PRKAA2: variants seen among roughly 807,000 people sequenced by gnomAD.
PRKAA2 encodes the protein 5'-AMP-activated protein kinase catalytic subunit alpha-2.
Under a neutral mutation model 56.3 loss-of-function variants are expected in PRKAA2, and 40 were observed. The ratio of observed to expected loss-of-function variants is 0.71; its 90% CI spans 0.55 to 0.92. The LOEUF (loss-of-function observed/expected upper bound fraction) is 0.92, where lower values mean the gene tolerates loss of function less well. Among genes scored for constraint, PRKAA2 ranks in the 40% least tolerant of loss-of-function variants. PRKAA2 has a pLI of 0.00. For synonymous variants in PRKAA2, 214 were observed against 234.2 expected, an observed-to-expected ratio of 0.91 and a Z score of 0.79; for missense variants, 542 against 686.9, an observed-to-expected ratio of 0.79 and a Z score of 2.36.
chr1:56,693,586 C>T (rs1017739173), intron 4 of PRKAA2, among the ~76,000 whole-genome samples, 179 bp from the exon 5 acceptor site: 5 of 151,898 alleles, frequency 3.3e-5, no homozygotes, highest in African/African-American at 1.2e-4. Flanking sequence ...CTTTTTGTTA[C>T]AGTGTAAGCA....
chr1:56,660,092 T>A (rs994231046), intron 1 of PRKAA2, among the ~76,000 whole-genome samples: 4 of 152,202 alleles, frequency 2.6e-5, no homozygotes, highest in African/African-American at 9.7e-5. Context: ...GTTTCTTCTA[T>A]TAGAAAATTT....
intron 2 of PRKAA2, among the ~76,000 whole-genome samples, chr1:56,675,337 T>C (rs1644105576): frequency 9.3e-6 from 1 of 107,176 alleles, no homozygotes; most frequent in Admixed American, 1.1e-4. Flanking sequence ...TCAGGAACTG[T>C]ACCAAGCATT....
intron 6 of PRKAA2, among the ~76,000 whole-genome samples, chr1:56,698,717 A>T (rs769250426): frequency 1.2e-4 from 18 of 152,164 alleles, no homozygotes; most frequent in Non-Finnish European, 8.8e-5. Flanking sequence ...ATTTTTGTAC[A>T]TCTATTATTT....
intron 1 of PRKAA2, among the ~76,000 whole-genome samples, chr1:56,650,204 A>G (rs1646676190): frequency 6.6e-6 from 1 of 152,232 alleles, no homozygotes; most frequent in Admixed American, 6.5e-5. Flanking sequence ...TTTTAACAGC[A>G]GTAGTTTTAA....
chr1:56,664,288 T>C (rs1375266207), intron 1 of PRKAA2, among the ~76,000 whole-genome samples: 1 of 152,182 alleles, frequency 6.6e-6, no homozygotes, highest in Non-Finnish European at 1.5e-5. Flanking sequence ...TCATGTTGCT[T>C]TAATAGGGAC....
chr1:56,694,730 AC>A (rs1237964044), intron 5 of PRKAA2, among the ~76,000 whole-genome samples: 1 of 151,428 alleles, frequency 6.6e-6, no homozygotes, highest in Non-Finnish European at 1.5e-5. Flanking sequence ...TGACCTAATC[AC>A]CCCCCTTAAG....
At chr1:56,668,996 C>T (rs1159315219) in intron 1 of PRKAA2, among the ~76,000 whole-genome samples, 1 of 152,126 alleles carries the variant, frequency 6.6e-6, no homozygotes, top group Non-Finnish European at 1.5e-5. Context: ...AAGCTTTATA[C>T]CCTTCAATGT....
chr1:56,645,498 G>C lies in PRKAA2; in HGVS notation c.94+17G>C. On this transcript the variant is annotated intron_variant, in intron 1 of 8. Coordinates refer to ENST00000371244, the MANE Select transcript of PRKAA2 (RefSeq NM_006252.4). ...AAGTGAAGAGTTGAGTACGCGCTCC[G>C]GACCGCTGTGCGGGGCTGCCTGACT... 4.1e-6 allele frequency: 6 copies of C among 1,460,276 alleles called. No individual in the cohort carries two copies. The highest frequency in any genetic ancestry group is 4.6e-6 in the Non-Finnish European group (5 of 1,096,322). The allele number at this position is 1,460,276 out of a possible 1,614,324, so 90.5% of individuals were successfully genotyped here.
At chr1:56,692,733 A>G (rs1442189155) in intron 4 of PRKAA2, among the ~76,000 whole-genome samples, 4 of 152,040 alleles carry the variant, frequency 2.6e-5, no homozygotes, top group African/African-American at 7.2e-5. Context: ...GTTGTCATCA[A>G]GATAAATCCA....
At chr1:56,681,713 A>G (rs10789041) in intron 2 of PRKAA2, among the ~76,000 whole-genome samples, 63,853 of 151,894 alleles carry the variant, frequency 0.42, 13,919 homozygotes, top group Middle Eastern at 0.52. Context: ...CCATTGGTCT[A>G]TATCTCTGTT....
At chr1:56,679,216 T>C (rs548270101) in intron 2 of PRKAA2, among the ~76,000 whole-genome samples, 1 of 152,316 alleles carries the variant, frequency 6.6e-6, no homozygotes, top group South Asian at 2.1e-4. Flanking sequence ...TAGTGTAATT[T>C]TCTTAGTGAA....
At chr1:56,657,402 G>T (rs528853390) in intron 1 of PRKAA2, among the ~76,000 whole-genome samples, 2 of 152,176 alleles carry the variant, frequency 1.3e-5, no homozygotes. Context: ...GGTAAGCTGG[G>T]CGTGGTGGCT....
intron 1 of PRKAA2, among the ~76,000 whole-genome samples, chr1:56,655,207 T>C (rs1233878847): frequency 4.0e-5 from 6 of 148,706 alleles, no homozygotes; most frequent in Non-Finnish European, 7.4e-5. Flanking sequence ...GTATAAGTTA[T>C]TTTCATTTTC....
rs1334208315 is a variant in PRKAA2, at chr1:56,713,701, T to TA, written c.*5989dup. Reference sequence around the variant, plus strand: ...ATTTCAAGGAGGAACAAAAACATTCTAGCCAAGGAGAATTGCATTGTTATT... The same window carrying TA: ...ATTTCAAGGAGGAACAAAAACATTCTAAGCCAAGGAGAATTGCATTGTTATT... On this transcript the variant is annotated 3_prime_UTR_variant, in exon 9 of 9. Coordinates refer to ENST00000371244, the MANE Select transcript of PRKAA2 (RefSeq NM_006252.4). 1 of 151,184 alleles carries TA rather than the reference T, an allele frequency of 6.6e-6. No homozygotes were observed. The highest frequency in any genetic ancestry group is 2.4e-5 in the African/African-American group (1 of 41,356). 9.4% of individuals were successfully genotyped at this position (151,184 alleles called of 1,614,324 possible).
intron 1 of PRKAA2, among the ~76,000 whole-genome samples, chr1:56,648,230 C>T (rs1646659694): frequency 6.6e-6 from 1 of 152,132 alleles, no homozygotes; most frequent in Non-Finnish European, 1.5e-5. Flanking sequence ...CTCATTTCTA[C>T]CCTCAGTCCC....
chr1:56,696,312 C>T (rs999842107), intron 6 of PRKAA2, among the ~76,000 whole-genome samples, 153 bp downstream of exon 6: 1 of 152,076 alleles, frequency 6.6e-6, no homozygotes, highest in African/African-American at 2.4e-5. Flanking sequence ...TTTCTCAAAC[C>T]TAACATAGAT....
intron 2 of PRKAA2, among the ~76,000 whole-genome samples, chr1:56,684,466 C>G (rs1265849320): frequency 2.0e-4 from 31 of 151,860 alleles, no homozygotes; most frequent in Admixed American, 2.0e-3. Context: ...AACAAGAAGT[C>G]CAAGGACTGG....
intron 2 of PRKAA2, among the ~76,000 whole-genome samples, chr1:56,684,228 A>G (rs973713429): frequency 1.8e-4 from 28 of 152,094 alleles, no homozygotes; most frequent in African/African-American, 6.5e-4. Flanking sequence ...TAGGAGGAAC[A>G]GGTTTGAGGT....
chr1:56,664,268 T>G lies in PRKAA2; in HGVS notation c.95-10113T>G, dbSNP rs537410384. On this transcript the variant is annotated intron_variant, in intron 1 of 8. Coordinates refer to ENST00000371244, the MANE Select transcript of PRKAA2 (RefSeq NM_006252.4). Reference sequence around the variant, plus strand: ...TTTGATGTTTGTTTTTGCTTTAACATTAGCAGAATTCATGTTGCTTTAATA... The same window carrying G: ...TTTGATGTTTGTTTTTGCTTTAACAGTAGCAGAATTCATGTTGCTTTAATA... 2.6e-5 allele frequency among the ~76,000 whole-genome samples: 4 copies of G among 152,298 alleles called. No individual in the cohort carries two copies. The South Asian group carries it at 8.3e-4, about 32-fold the overall frequency.
Sources: allele counts gnomAD v4.1 joint callset (sites outside exome capture counted in the v4.1 genomes callset), GRCh38; gene constraint gnomAD v4.1.1; transcripts MANE v1.5; gene names NCBI Gene and HGNC (gene_info 2026-07-23, HGNC 2026-07-21).